COL24A1: variants seen among roughly 807,000 people sequenced by gnomAD.
COL24A1 encodes the protein collagen type XXIV alpha 1 chain, also known as collagen alpha-1(XXIV) chain.
In COL24A1, 224 loss-of-function variants were observed where a neutral mutation model predicts 253.9. The ratio of observed to expected loss-of-function variants is 0.88; its 90% CI spans 0.79 to 0.99. The LOEUF (loss-of-function observed/expected upper bound fraction) is 0.99. Among genes scored for constraint, COL24A1 ranks in the 50% least tolerant of loss-of-function variants. The pLI is 0.00. For missense variants in COL24A1, 2,131 were observed against 2,068.5 expected, an observed-to-expected ratio of 1.03 and a Z score of -0.59; for synonymous variants, 685 against 673.7, an observed-to-expected ratio of 1.02 and a Z score of -0.26.
At chr1:85,873,978 T>C (rs966824888) in intron 35 of COL24A1, among the ~76,000 whole-genome samples, 5 of 152,144 alleles carry the variant, frequency 3.3e-5, no homozygotes, top group African/African-American at 1.2e-4. Flanking sequence ...AATTAGTGCA[T>C]ATTTATAGTT....
rs1427199467 is a variant in COL24A1 at position 85,830,440 on chromosome 1, T to C, written c.3682-6702A>G. ...GCAGGCAGGCCTCCTTGAGCTGTGG[T>C]GGGCTCCACCCAGTTTGAGCTTCCC... On this transcript the variant is annotated intron_variant, in intron 43 of 59. Transcript: ENST00000370571. Among the ~76,000 whole-genome samples, 3 of 152,252 alleles carry C rather than the reference T, an allele frequency of 2.0e-5. No homozygotes were observed. In the East Asian group the frequency reaches 5.8e-4, roughly 29 times the overall value.
At chr1:86,017,527 G>A (rs1025568415) in intron 18 of COL24A1, among the ~76,000 whole-genome samples, 1 of 152,030 alleles carries the variant, frequency 6.6e-6, no homozygotes, top group East Asian at 1.9e-4. Flanking sequence ...AACAAGATAG[G>A]GAATTCTAGA....
chr1:85,882,481 A>G (rs1681974693), intron 32 of COL24A1, among the ~76,000 whole-genome samples: 1 of 152,168 alleles, frequency 6.6e-6, no homozygotes, highest in Non-Finnish European at 1.5e-5. Context: ...AAAAAACAAA[A>G]AACAAAAAAC....
chr1:85,755,288 A>T (rs1195603940), intron 55 of COL24A1, among the ~76,000 whole-genome samples: 1 of 152,212 alleles, frequency 6.6e-6, no homozygotes, highest in Non-Finnish European at 1.5e-5. Flanking sequence ...TTCCCTAGAA[A>T]AATATTATAG....
At chr1:85,838,409 G>A (rs1676246855) in intron 43 of COL24A1, among the ~76,000 whole-genome samples, 176 bp downstream of exon 43, 1 of 152,004 alleles carries the variant, frequency 6.6e-6, no homozygotes, top group South Asian at 2.1e-4. Context: ...AAAAGCAGAA[G>A]TAAGAAAAGA....
chr1:85,755,109 T>C (rs1259663752), intron 55 of COL24A1, among the ~76,000 whole-genome samples: 2 of 151,958 alleles, frequency 1.3e-5, no homozygotes, highest in Non-Finnish European at 2.9e-5. Flanking sequence ...TAATTTCCCA[T>C]AAAAAACCAT....
chr1:86,042,437 A>C (rs1283503603), intron 12 of COL24A1, among the ~76,000 whole-genome samples: 2 of 152,144 alleles, frequency 1.3e-5, no homozygotes, highest in African/African-American at 4.8e-5. Flanking sequence ...TTGGGAAAAA[A>C]GAATTTTCTG....
intron 31 of COL24A1, among the ~76,000 whole-genome samples, chr1:85,891,714 T>C (rs1683150455): frequency 6.6e-6 from 1 of 152,186 alleles, no homozygotes; most frequent in South Asian, 2.1e-4. Context: ...AACTGAAATA[T>C]ACAGAAAACT....
intron 47 of COL24A1, among the ~76,000 whole-genome samples, chr1:85,813,846 C>T (rs1461207549): frequency 1.3e-5 from 2 of 152,012 alleles, no homozygotes; most frequent in East Asian, 1.9e-4. Flanking sequence ...CCACCGCGCC[C>T]GGCCTCATTC....
At chr1:85,761,479 GGC>G in intron 54 of COL24A1, 50 bp downstream of exon 54, 1 of 1,613,686 alleles carries the variant, frequency 6.2e-7, no homozygotes, top group Non-Finnish European at 8.5e-7. Flanking sequence ...TCTTAAACCA[GGC>G]AAACATATAA....
At chr1:86,140,401 G>A (rs1012793433) in intron 2 of COL24A1, among the ~76,000 whole-genome samples, 2 of 152,182 alleles carry the variant, frequency 1.3e-5, no homozygotes, top group Admixed American at 6.5e-5. Context: ...TGTATAAAGA[G>A]ATAAATGCTA....
chr1:86,093,151 A>G (rs10782564), intron 5 of COL24A1, among the ~76,000 whole-genome samples: 136,166 of 151,976 alleles, frequency 0.9, 61,741 homozygotes, highest in Non-Finnish European at 0.97. Context: ...ACATATTCAG[A>G]GATGCTTTTA....
chr1:86,138,586 G>A (rs1650604494), intron 2 of COL24A1, among the ~76,000 whole-genome samples: 1 of 152,084 alleles, frequency 6.6e-6, no homozygotes, highest in East Asian at 1.9e-4. Flanking sequence ...TGCTGCCATC[G>A]AGGTAAGATG....
chr1:85,990,379 C>T (rs974581232), intron 19 of COL24A1, among the ~76,000 whole-genome samples: 1 of 152,192 alleles, frequency 6.6e-6, no homozygotes. Flanking sequence ...TGAAACTGTT[C>T]TGCTTCAGAT....
At chr1:85,818,907 T>C (rs911188567) in intron 45 of COL24A1, among the ~76,000 whole-genome samples, 5 of 152,162 alleles carry the variant, frequency 3.3e-5, no homozygotes, top group Non-Finnish European at 5.9e-5. Context: ...TGAAGACAAA[T>C]TGTGCTAAAG....
chr1:86,001,202 T>C (rs1695374801), intron 19 of COL24A1, among the ~76,000 whole-genome samples: 2 of 152,290 alleles, frequency 1.3e-5, no homozygotes, highest in South Asian at 2.1e-4. Context: ...AAGTAAAACA[T>C]TAAGAAGAGA....
intron 47 of COL24A1, among the ~76,000 whole-genome samples, chr1:85,814,093 C>A (rs917170069): frequency 6.6e-6 from 1 of 152,140 alleles, no homozygotes. Context: ...CTGTAAGCAA[C>A]CCAGTCACTA....
rs772251473 is a variant in COL24A1 at position 85,908,590 on chromosome 1, G to C, written c.2724+8C>G. The stretch of plus-strand genomic sequence containing the variant: ...CGGAAGGAATCATAAAGTCTTTCCT[G>C]TACTTACAGGTAATCCCAATGGACC... On this transcript the variant is annotated splice_region_variant and intron_variant, in intron 27 of 59. Transcript: ENST00000370571. 5 of 1,432,814 alleles carry C rather than the reference G, an allele frequency of 3.5e-6. 1 individual carries two copies. The Middle Eastern group carries it at 5.3e-4, about 152-fold the overall frequency. The allele number at this position is 1,432,814 out of a possible 1,614,324, so 88.8% of individuals were successfully genotyped here. A position where few individuals can be genotyped will look rare whatever the true frequency, so the allele number is the denominator to read the frequency against.
At chr1:85,732,577 C>A (rs562793175) in intron 59 of COL24A1, among the ~76,000 whole-genome samples, 3 of 152,122 alleles carry the variant, frequency 2.0e-5, no homozygotes, top group East Asian at 3.9e-4. Context: ...TGTATGACTG[C>A]GATTATCTAA....
Sources: allele counts gnomAD v4.1 joint callset (sites outside exome capture counted in the v4.1 genomes callset), GRCh38; gene constraint gnomAD v4.1.1; transcripts MANE v1.5; gene names NCBI Gene and HGNC (gene_info 2026-07-23, HGNC 2026-07-21).